Variants in KIF26B observed in about 807,000 individuals in gnomAD.
KIF26B encodes the protein kinesin-like protein KIF26B.
A neutral mutation model predicts 151.2 loss-of-function variants in KIF26B; 63 were observed. The observed-to-expected ratio is 0.42, with a 90% confidence interval of 0.34 to 0.51. KIF26B has a LOEUF of 0.51. KIF26B is among the 20% of genes least tolerant of loss of function. KIF26B has a pLI of 0.07. For synonymous variants in KIF26B, 1,357 were observed against 1,262.1 expected (o/e 1.08, Z -1.59); for missense variants, 2,813 against 2,913.6 (o/e 0.97, Z 0.79).
chr1:245,252,145 G>A (rs889711321), intron 2 of KIF26B, among the ~76,000 whole-genome samples: 1 of 151,806 alleles, frequency 6.6e-6, no homozygotes, highest in African/African-American at 2.4e-5. Flanking sequence ...ATGTGGTGGT[G>A]CGCATCTGTA....
In KIF26B at chr1:245,167,015, A is replaced by G. The variant is rs1178847852; in HGVS notation, c.465+10332A>G. The stretch of plus-strand genomic sequence containing the variant: ...GATAAATATGTCTTAAGTGTTATAG[A>G]CCAGGTTACAGCTGAGGGACTATTT... On this transcript the variant is annotated intron_variant, in intron 2 of 14. Transcript: ENST00000407071. This position sits in a 1 kb window ranked among gnomAD's most constrained non-coding sequence, Gnocchi z 4.2. 1.3e-5 allele frequency among the ~76,000 whole-genome samples: 2 copies of G among 152,196 alleles called. No individual in the cohort carries two copies. The highest frequency in any genetic ancestry group is 2.9e-5 in the Non-Finnish European group (2 of 68,034).
In KIF26B at chr1:245,512,120, A is replaced by ATAACATTACCGTATAACATTACCGT. The variant is rs1660851747; in HGVS notation, c.1167-28647_1167-28646insTAACATTACCGTATAACATTACCGT. ...ACTTTTTAAAAAAAGTCCATACGGTAATGTTAATGCAGCTATTTCTGGCTT... is the reference window on the plus strand; with the variant it reads ...ACTTTTTAAAAAAAGTCCATACGGTATAACATTACCGTATAACATTACCGTATGTTAATGCAGCTATTTCTGGCTT... On this transcript the variant is annotated intron_variant, in intron 4 of 14. Coordinates refer to ENST00000407071, the MANE Select transcript of KIF26B (RefSeq NM_018012.4). This position sits in a 1 kb window ranked among gnomAD's most constrained non-coding sequence, Gnocchi z 4.3. Among the ~76,000 whole-genome samples the ATAACATTACCGTATAACATTACCGT allele has an allele frequency of 6.6e-6, 1 of 152,210 alleles. No individual in the cohort carries two copies. Among genetic ancestry groups the ATAACATTACCGTATAACATTACCGT allele is most frequent in the Non-Finnish European group, 1.5e-5 (1 of 68,038 alleles).
At chr1:245,355,953 T>C (rs1444386672) in intron 2 of KIF26B, among the ~76,000 whole-genome samples, 1 of 152,012 alleles carries the variant, frequency 6.6e-6, no homozygotes, top group Non-Finnish European at 1.5e-5. Context: ...TTCCTTCCCA[T>C]CCCCTCCTCT....
At chr1:245,438,334 A>T (rs1049420103) in intron 4 of KIF26B, among the ~76,000 whole-genome samples, 4 of 152,260 alleles carry the variant, frequency 2.6e-5, no homozygotes, top group African/African-American at 9.6e-5. Context: ...GCTCTAAAGA[A>T]GTACAGACAC....
intron 4 of KIF26B, among the ~76,000 whole-genome samples, chr1:245,494,132 C>T (rs917461056): frequency 3.3e-5 from 5 of 152,072 alleles, no homozygotes; most frequent in African/African-American, 1.2e-4. Flanking sequence ...TGGTGAAACC[C>T]CGTCTCTACT....
At chr1:245,174,349 A>G (rs1408830211) in intron 2 of KIF26B, among the ~76,000 whole-genome samples, 3 of 152,100 alleles carry the variant, frequency 2.0e-5, no homozygotes, top group Non-Finnish European at 2.9e-5. Context: ...AAGGAGTATC[A>G]TGGCCAGATG....
At chr1:245,223,861 T>G (rs73127157) in intron 2 of KIF26B, among the ~76,000 whole-genome samples, 2,580 of 152,300 alleles carry the variant, frequency 0.017, 44 homozygotes, top group African/African-American at 0.038. Flanking sequence ...AACTGTACCT[T>G]TGTCAGTGTG....
intron 3 of KIF26B, among the ~76,000 whole-genome samples, chr1:245,412,535 T>G (rs1340904095): frequency 6.6e-6 from 1 of 152,122 alleles, no homozygotes; most frequent in African/African-American, 2.4e-5. Flanking sequence ...GCTCTCAGAG[T>G]CCTTCCTTCA....
At chr1:245,658,202 G>C (rs184447280) in intron 10 of KIF26B, among the ~76,000 whole-genome samples, 1 of 152,132 alleles carries the variant, frequency 6.6e-6, no homozygotes, top group Admixed American at 6.5e-5. Flanking sequence ...ATCTTGATGC[G>C]CACAGCTACA....
intron 2 of KIF26B, among the ~76,000 whole-genome samples, chr1:245,292,540 A>G (rs1404774461): frequency 6.6e-6 from 1 of 151,186 alleles, no homozygotes; most frequent in African/African-American, 2.5e-5. Flanking sequence ...CCCCTTGCCC[A>G]TATTCCCCCC....
rs147628616 is a variant in KIF26B, at chr1:245,609,261, C to T, written c.1652-5C>T. The T allele has an allele frequency of 4.1e-5, 65 of 1,590,212 alleles. No individual in the cohort carries two copies. In the East Asian group the frequency reaches 1.4e-3, roughly 35 times the overall value. On this transcript the variant is annotated splice_polypyrimidine_tract_variant and splice_region_variant and intron_variant, in intron 7 of 14. Coordinates refer to ENST00000407071, the MANE Select transcript of KIF26B (RefSeq NM_018012.4). ...CTGCTTTTCTTCCTTCCCTGGTTCT[C>T]CCAGGAAAATCCTACACCATGATCG...
chr1:245,240,799 G>C lies in KIF26B; in HGVS notation c.465+84116G>C, dbSNP rs1156675480. Among the ~76,000 whole-genome samples, 3 of 152,342 alleles carry C rather than the reference G, an allele frequency of 2.0e-5. No individual in the cohort carries two copies. The South Asian group carries it at 6.2e-4, about 32-fold the overall frequency. ...GGGAGCTGGAAGGCTACAGGGACCT[G>C]CCAGAGGGAGGCTGGAGGCTGTGGG... On this transcript the variant is annotated intron_variant, in intron 2 of 14. Coordinates refer to ENST00000407071, the MANE Select transcript of KIF26B (RefSeq NM_018012.4).
At chr1:245,214,152 A>G (rs1003232387) in intron 2 of KIF26B, 1 of 152,038 alleles carries the variant, frequency 6.6e-6, no homozygotes, top group African/African-American at 2.4e-5. Flanking sequence ...CTCATTACAT[A>G]CCTCAGTGAC....
intron 2 of KIF26B, among the ~76,000 whole-genome samples, chr1:245,337,733 T>C (rs978840524): frequency 3.9e-5 from 6 of 152,202 alleles, no homozygotes; most frequent in African/African-American, 1.4e-4. Context: ...CAGAGTAACA[T>C]CTCACCCATA....
intron 2 of KIF26B, among the ~76,000 whole-genome samples, chr1:245,269,397 A>G (rs1211194873): frequency 6.6e-6 from 1 of 151,558 alleles, no homozygotes; most frequent in Non-Finnish European, 1.5e-5. Context: ...GTATTCTGGG[A>G]CTGGCTTATT....
At chr1:245,308,303 TA>T (rs1426306908) in intron 2 of KIF26B, among the ~76,000 whole-genome samples, 2 of 152,228 alleles carry the variant, frequency 1.3e-5, no homozygotes, top group Non-Finnish European at 2.9e-5. Context: ...GAACATTTTT[TA>T]CATGACAAAT....
chr1:245,270,395 C>G (rs1247285360), intron 2 of KIF26B, among the ~76,000 whole-genome samples: 1 of 148,954 alleles, frequency 6.7e-6, no homozygotes, highest in Admixed American at 6.8e-5. Flanking sequence ...CTTTGTTTCC[C>G]TTTCCTTTTT....
At chr1:245,203,246 C>CAAAAAA (rs562600864) in intron 2 of KIF26B, among the ~76,000 whole-genome samples, 4 of 29,582 alleles carry the variant, frequency 1.4e-4, no homozygotes, top group African/African-American at 3.9e-4. Context: ...GACTCTGTCT[C>CAAAAAA]AAAAAAAAAA....
chr1:245,417,708 G>C (rs1674454126), intron 3 of KIF26B, among the ~76,000 whole-genome samples: 1 of 152,218 alleles, frequency 6.6e-6, no homozygotes, highest in African/African-American at 2.4e-5. Flanking sequence ...TGAACCCACA[G>C]GTCGCTGACA....
Sources: gnomAD v4.1 joint callset for allele counts (sites outside exome capture counted in the v4.1 genomes callset) on GRCh38, gnomAD v4.1.1 for gene constraint, Gnocchi (gnomAD v3.1) non-coding constraint, MANE v1.5 for transcripts, NCBI Gene and HGNC (gene_info 2026-07-23, HGNC 2026-07-21) for gene names.